Variants in FOLH1 observed in about 807,000 individuals in gnomAD.
The protein encoded by FOLH1 is glutamate carboxypeptidase 2.
Under a neutral mutation model 93.9 loss-of-function variants are expected in FOLH1, and 54 were observed. That is an observed-to-expected ratio of 0.57 (90% CI 0.46 to 0.72). The LOEUF is 0.72. FOLH1 is among the 30% of genes least tolerant of loss of function. The pLI is 0.00. For synonymous variants in FOLH1, 249 were observed against 303.6 expected (o/e 0.82, Z 1.87); for missense variants, 571 against 892.5 (o/e 0.64, Z 4.59).
At chr11:49,167,415 C>T (rs1172591541) in intron 12 of FOLH1, among the ~76,000 whole-genome samples, 1 of 152,026 alleles carries the variant, frequency 6.6e-6, no homozygotes, top group Non-Finnish European at 1.5e-5. Flanking sequence ...CATCTGACGC[C>T]AAAGGTCAAG....
chr11:49,165,100 T>C (rs1207836140), intron 12 of FOLH1, among the ~76,000 whole-genome samples: 2 of 152,114 alleles, frequency 1.3e-5, no homozygotes, highest in Non-Finnish European at 2.9e-5. Flanking sequence ...CCTCCTCTGG[T>C]CTAATGTCAT....
chr11:49,177,237 G>C (rs987823746), intron 7 of FOLH1, among the ~76,000 whole-genome samples: 1 of 152,058 alleles, frequency 6.6e-6, no homozygotes, highest in Non-Finnish European at 1.5e-5. Context: ...TTTTCACTAA[G>C]GAGTTTGTAT....
At chr11:49,165,541 TG>T (rs1188415032) in intron 12 of FOLH1, among the ~76,000 whole-genome samples, 2 of 152,048 alleles carry the variant, frequency 1.3e-5, no homozygotes, top group Non-Finnish European at 2.9e-5. Context: ...GGAGGAGTTT[TG>T]GGGGAGGGAA....
chr11:49,162,982 T>G (rs1857894004), intron 13 of FOLH1: 2 of 152,176 alleles, frequency 1.3e-5, no homozygotes, highest in Admixed American at 1.3e-4. Context: ...TATAGACATG[T>G]TGCCAGCCTG....
At chr11:49,149,093 A>G (rs773004287) in intron 17 of FOLH1, among the ~76,000 whole-genome samples, 25 of 151,780 alleles carry the variant, frequency 1.6e-4, no homozygotes, top group Non-Finnish European at 3.1e-4. Context: ...GGGGAACATC[A>G]CACACCAGGG....
In FOLH1 at chr11:49,145,600, G is replaced by A. The variant is rs143585389; in HGVS notation, c.*1156C>T. Among the ~76,000 whole-genome samples, 102 of 152,254 alleles carry A rather than the reference G, an allele frequency of 6.7e-4. 2 individuals are homozygous for A. In the East Asian group the frequency reaches 0.016, roughly 23 times the overall value. Reference sequence around the variant, plus strand: ...GTCAATTTGAAGCAGATTCTTCAAGGGCAACACTACAGCGACTTCTTAACT... The same window carrying A: ...GTCAATTTGAAGCAGATTCTTCAAGAGCAACACTACAGCGACTTCTTAACT... On this transcript the variant is annotated 3_prime_UTR_variant, in exon 19 of 19. Coordinates refer to ENST00000256999, the MANE Select transcript of FOLH1 (RefSeq NM_004476.3).
intron 13 of FOLH1, chr11:49,162,740 A>G (rs1292058933): frequency 5.4e-5 from 8 of 149,458 alleles, no homozygotes; most frequent in East Asian, 2.0e-4. Flanking sequence ...TCTGCCTTCA[A>G]TCTTTGAGGT....
At chr11:49,196,008 G>A (rs1445316457) in intron 3 of FOLH1, among the ~76,000 whole-genome samples, 1 of 152,222 alleles carries the variant, frequency 6.6e-6, no homozygotes, top group East Asian at 1.9e-4. Context: ...ACAAAAATTA[G>A]CCGGGTGCGG....
At chr11:49,168,067 T>C in intron 12 of FOLH1, among the ~76,000 whole-genome samples, 1 of 147,870 alleles carries the variant, frequency 6.8e-6, no homozygotes. Context: ...TTTGCAACCA[T>C]ACCACAAATA....
chr11:49,148,878 T>C (rs1856091040), intron 17 of FOLH1, 147 bp from the exon 18 acceptor site: 1 of 608,950 alleles, frequency 1.6e-6, no homozygotes, highest in African/African-American at 2.0e-5. Flanking sequence ...CATACTCAAG[T>C]CCTGCAAGGA....
chr11:49,204,209 G>A (rs925422367), intron 2 of FOLH1, among the ~76,000 whole-genome samples: 1 of 152,140 alleles, frequency 6.6e-6, no homozygotes, highest in Non-Finnish European at 1.5e-5. Flanking sequence ...AGTTAAGTGG[G>A]GCACTTGGCC....
intron 2 of FOLH1, among the ~76,000 whole-genome samples, chr11:49,201,785 A>T (rs28653081): frequency 0.16 from 20,298 of 128,136 alleles, no homozygotes; most frequent in Non-Finnish European, 0.25. Flanking sequence ...TAGGATGCAG[A>T]TATCCTGAAG....
rs1009388473 is a variant in FOLH1, at chr11:49,146,495, T to C, written c.*261A>G. The C allele has an allele frequency of 3.5e-6, 1 of 286,114 alleles. No homozygotes were observed. Among genetic ancestry groups the C allele is most frequent in the East Asian group, 7.0e-5 (1 of 14,300 alleles). The allele number at this position is 286,114 out of a possible 1,614,324, so 17.7% of individuals were successfully genotyped here. A position where few individuals can be genotyped will look rare whatever the true frequency, so the allele number is the denominator to read the frequency against. On this transcript the variant is annotated 3_prime_UTR_variant, in exon 19 of 19. Coordinates refer to ENST00000256999, the MANE Select transcript of FOLH1 (RefSeq NM_004476.3). ...AATGCCAGATGAGAGTTTTACTATA[T>C]TAGGCCATTCTCCTTAGATTTAATA...
chr11:49,178,969 G>A (rs1268223706), intron 7 of FOLH1, among the ~76,000 whole-genome samples: 1 of 152,138 alleles, frequency 6.6e-6, no homozygotes, highest in Non-Finnish European at 1.5e-5. Flanking sequence ...CCACCAAAGA[G>A]TTTATAAATC....
At position 49,208,356 on chromosome 11, in the gene FOLH1, C is replaced by CGG; in HGVS notation, c.52_53dup (p.Trp20AlafsTer25). On this transcript the variant is annotated frameshift_variant, in exon 1 of 19. Coordinates refer to ENST00000256999, the MANE Select transcript of FOLH1 (RefSeq NM_004476.3). LOFTEE classifies it high-confidence loss of function. The stretch of plus-strand genomic sequence containing the variant: ...CCAGCGCCCCAGCGCACAGCCAGCG[C>CGG]GGGCGGCGCGCGGTGGCCACAGCCG... The CGG allele has an allele frequency of 6.2e-7, 1 of 1,601,808 alleles. No homozygotes were observed.
intron 18 of FOLH1, among the ~76,000 whole-genome samples, chr11:49,148,296 G>A (rs1027297301): frequency 6.6e-6 from 1 of 150,946 alleles, no homozygotes; most frequent in Admixed American, 6.6e-5. Context: ...AAATAGAAAA[G>A]GAGCTAAAAT....
intron 7 of FOLH1, among the ~76,000 whole-genome samples, chr11:49,182,820 A>G (rs1256633049): frequency 6.6e-6 from 1 of 152,124 alleles, no homozygotes; most frequent in Non-Finnish European, 1.5e-5. Context: ...TGCCACACTG[A>G]GTCATTGCCC....
chr11:49,190,441 A>G (rs923209268), intron 4 of FOLH1, among the ~76,000 whole-genome samples: 2 of 152,238 alleles, frequency 1.3e-5, no homozygotes, highest in African/African-American at 2.4e-5. Context: ...GTGAATAAAT[A>G]GAATCTTGCA....
In FOLH1 at chr11:49,154,048, A is replaced by G. The variant is rs1394965331; in HGVS notation, c.1889-121T>C. 6.1e-6 allele frequency: 8 copies of G among 1,306,670 alleles called. No individual in the cohort carries two copies. In the East Asian group the frequency reaches 2.0e-4, roughly 32 times the overall value. 80.9% of individuals were successfully genotyped at this position (1,306,670 alleles called of 1,614,324 possible). A position where few individuals can be genotyped will look rare whatever the true frequency, so the allele number is the denominator to read the frequency against. ...ATCTTTTGTGTTTTACAAGGTATTT[A>G]TATTTTTATATTATAAGACGTGAGC... On this transcript the variant is annotated intron_variant, in intron 16 of 18. Transcript: ENST00000256999.
Sources: gnomAD v4.1 joint callset for allele counts (sites outside exome capture counted in the v4.1 genomes callset) on GRCh38, gnomAD v4.1.1 for gene constraint, MANE v1.5 for transcripts, NCBI Gene and HGNC (gene_info 2026-07-23, HGNC 2026-07-21) for gene names.